CHSY3: variants seen among roughly 807,000 people sequenced by gnomAD.
CHSY3 encodes the protein chondroitin sulfate synthase 3, also known as N-acetylgalactosaminyl-proteoglycan 3-beta-glucuronosyltransferase 3.
In CHSY3, 35 loss-of-function variants were observed where a neutral mutation model predicts 67.2. That is an observed-to-expected ratio of 0.52 (90% CI 0.40 to 0.69). The LOEUF (loss-of-function observed/expected upper bound fraction) is 0.69, where lower values mean the gene tolerates loss of function less well. Ranked by LOEUF, CHSY3 falls within the 30% of genes least tolerant of loss-of-function variation. The pLI is 0.00. For synonymous variants in CHSY3, 474 were observed against 434.7 expected (o/e 1.09, Z -1.12); for missense variants, 1,069 against 1,138.5 (o/e 0.94, Z 0.88).
chr5:130,025,054 C>T (rs1045140716), intron 2 of CHSY3, among the ~76,000 whole-genome samples: 8 of 152,028 alleles, frequency 5.3e-5, no homozygotes, highest in Non-Finnish European at 1.2e-4. Context: ...AAGTTCTTCC[C>T]TTGAGAAGTA....
chr5:130,118,821 C>G (rs1767910897), intron 2 of CHSY3, among the ~76,000 whole-genome samples: 1 of 151,942 alleles, frequency 6.6e-6, no homozygotes, highest in African/African-American at 2.4e-5. Flanking sequence ...GCTTTTGTAT[C>G]CCAGGTGTGT....
chr5:130,010,157 C>T (rs1158978996), intron 2 of CHSY3, among the ~76,000 whole-genome samples: 2 of 152,066 alleles, frequency 1.3e-5, no homozygotes, highest in Non-Finnish European at 2.9e-5. Context: ...CAGAACATTC[C>T]ATCCAACAAA....
chr5:130,178,227 T>TATATATATA (rs1561571814), intron 2 of CHSY3, among the ~76,000 whole-genome samples: 2 of 65,820 alleles, frequency 3.0e-5, no homozygotes, highest in African/African-American at 6.6e-5. Context: ...ATATTTATAT[T>TATATATATA]TATATATATA....
Position 129,933,627 on chromosome 5 carries a change from T to C in CHSY3, c.1086+25267T>C, listed in dbSNP as rs180677413. Reference sequence around the variant, plus strand: ...AATCATTAGGTACCACTAAAAGTCATTGACAGTTTTTTAATTCAGTGAGAC... The same window carrying C: ...AATCATTAGGTACCACTAAAAGTCACTGACAGTTTTTTAATTCAGTGAGAC... On this transcript the variant is annotated intron_variant, in intron 2 of 2. Transcript: ENST00000305031. 5.4e-3 allele frequency among the ~76,000 whole-genome samples: 821 copies of C among 152,288 alleles called. 3 individuals are homozygous for C. The highest frequency in any genetic ancestry group is 8.9e-3 in the Non-Finnish European group (604 of 68,000).
chr5:129,935,467 T>G (rs552998460), intron 2 of CHSY3, among the ~76,000 whole-genome samples: 1 of 152,274 alleles, frequency 6.6e-6, no homozygotes, highest in Admixed American at 6.5e-5. Flanking sequence ...CTTAGAAAGG[T>G]TGGTTCTTGA....
chr5:130,001,546 G>A, intron 2 of CHSY3: 1 of 902,944 alleles, frequency 1.1e-6, no homozygotes, highest in Non-Finnish European at 1.3e-6. Flanking sequence ...AGGACCCCAT[G>A]GAGAGTCCCT....
chr5:129,948,908 A>T (rs1007083634), intron 2 of CHSY3, among the ~76,000 whole-genome samples: 2 of 152,086 alleles, frequency 1.3e-5, no homozygotes, highest in Admixed American at 6.6e-5. Context: ...TGGTAAATCT[A>T]CTTGTGGTTC....
chr5:130,074,051 T>G (rs1766174589), intron 2 of CHSY3, among the ~76,000 whole-genome samples: 1 of 151,990 alleles, frequency 6.6e-6, no homozygotes, highest in Admixed American at 6.6e-5. Context: ...ATCTTTCAGC[T>G]AGAATACAAG....
Position 130,147,051 on chromosome 5 carries a change from C to T in CHSY3, c.1087-37178C>T, listed in dbSNP as rs373957847. 2.1e-3 allele frequency among the ~76,000 whole-genome samples: 325 copies of T among 152,310 alleles called. 6 individuals carry two copies. The South Asian group carries it at 0.035, about 17-fold the overall frequency. On this transcript the variant is annotated intron_variant, in intron 2 of 2. Transcript: ENST00000305031. ...TTAAGTGATCCGCCCACCTCGGCCT[C>T]CCAAAATGTTGGGATTACAGGCATG...
intron 2 of CHSY3, among the ~76,000 whole-genome samples, chr5:129,931,812 C>T (rs1581378742): frequency 6.6e-6 from 1 of 152,032 alleles, no homozygotes; most frequent in East Asian, 1.9e-4. Context: ...GTCTTTTCTG[C>T]ATGGATGAAA....
intron 2 of CHSY3, among the ~76,000 whole-genome samples, chr5:129,913,689 A>C (rs866672326): frequency 3.3e-5 from 5 of 152,178 alleles, no homozygotes; most frequent in African/African-American, 1.2e-4. Context: ...AATAGTTTGT[A>C]TTTATCATTT....
intron 2 of CHSY3, among the ~76,000 whole-genome samples, chr5:130,065,845 G>A (rs1470644565): frequency 6.6e-6 from 1 of 152,020 alleles, no homozygotes. Context: ...TGAAATGTCT[G>A]GTTCACACAG....
At chr5:130,125,538 G>C (rs1291645094) in intron 2 of CHSY3, among the ~76,000 whole-genome samples, 2 of 152,158 alleles carry the variant, frequency 1.3e-5, no homozygotes, top group African/African-American at 4.8e-5. Flanking sequence ...ACAAGAGTAA[G>C]GGTTGGAAAT....
rs1468613291 is a variant in CHSY3, at chr5:130,055,346, C to T, written c.1087-128883C>T. Among the ~76,000 whole-genome samples, 6 of 149,948 alleles carry T rather than the reference C, an allele frequency of 4.0e-5. No homozygotes were observed. In the East Asian group the frequency reaches 1.2e-3, roughly 29 times the overall value. Reference sequence around the variant, plus strand: ...GTCTACAAAAGTGTTATAAAGATAGCTTTTGTTTTTATTTCATAGTTTATG... The same window carrying T: ...GTCTACAAAAGTGTTATAAAGATAGTTTTTGTTTTTATTTCATAGTTTATG... On this transcript the variant is annotated intron_variant, in intron 2 of 2. Coordinates refer to ENST00000305031, the MANE Select transcript of CHSY3 (RefSeq NM_175856.5).
At chr5:130,012,317 A>C (rs201066821) in intron 2 of CHSY3, among the ~76,000 whole-genome samples, 1 of 152,238 alleles carries the variant, frequency 6.6e-6, no homozygotes, top group Non-Finnish European at 1.5e-5. Flanking sequence ...CAGATCTTAT[A>C]CAAAGCCAAC....
intron 2 of CHSY3, among the ~76,000 whole-genome samples, chr5:130,054,278 T>C (rs956041924): frequency 3.1e-4 from 47 of 152,228 alleles, no homozygotes; most frequent in African/African-American, 1.1e-3. Flanking sequence ...TGATTTTTAT[T>C]ATGGATATAG....
chr5:129,909,046 A>G (rs193079037), intron 2 of CHSY3, among the ~76,000 whole-genome samples: 1 of 152,146 alleles, frequency 6.6e-6, no homozygotes, highest in Non-Finnish European at 1.5e-5. Context: ...TTCTTATGCT[A>G]TTTTCTGAAA....
chr5:129,965,391 C>T (rs924424514), intron 2 of CHSY3, among the ~76,000 whole-genome samples: 12 of 152,028 alleles, frequency 7.9e-5, no homozygotes, highest in African/African-American at 2.4e-4. Context: ...AATTACATTT[C>T]CGTATAATAC....
chr5:130,036,815 TG>T (rs1237093515), intron 2 of CHSY3, among the ~76,000 whole-genome samples: 1 of 152,120 alleles, frequency 6.6e-6, no homozygotes, highest in Non-Finnish European at 1.5e-5. Flanking sequence ...GTTTGTGTTA[TG>T]TGTATTGAGG....
Sources: allele counts gnomAD v4.1 joint callset (sites outside exome capture counted in the v4.1 genomes callset), GRCh38; gene constraint gnomAD v4.1.1; transcripts MANE v1.5; gene names NCBI Gene and HGNC (gene_info 2026-07-23, HGNC 2026-07-21).